Variants in NUP98 observed in about 807,000 individuals in gnomAD.
NUP98 encodes nucleoporin 98 and 96 precursor.
NUP98 carries 26 observed loss-of-function variants against 191.9 expected under a neutral mutation model. The observed-to-expected ratio is 0.14, with a 90% CI of 0.10 to 0.19. NUP98 has a LOEUF of 0.19. NUP98 is among the 10% of genes least tolerant of loss of function. The pLI, the probability that NUP98 is intolerant of heterozygous loss-of-function variation, is 1.00. For missense variants in NUP98, 1,941 were observed against 2,178.8 expected, an observed-to-expected ratio of 0.89 and a Z score of 2.17; for synonymous variants, 808 against 778.4, an observed-to-expected ratio of 1.04 and a Z score of -0.63.
chr11:3,692,454 C>T (rs947990878), intron 27 of NUP98, among the ~76,000 whole-genome samples: 19 of 151,848 alleles, frequency 1.3e-4, no homozygotes, highest in Non-Finnish European at 2.2e-4. Context: ...GGTGAAACCG[C>T]GTCTCTACTA....
chr11:3,720,248 T>C (rs1165447197), intron 17 of NUP98, among the ~76,000 whole-genome samples: 1 of 152,158 alleles, frequency 6.6e-6, no homozygotes, highest in Non-Finnish European at 1.5e-5. Context: ...TTATCAGTAA[T>C]AATAACATGA....
intron 10 of NUP98, among the ~76,000 whole-genome samples, chr11:3,755,042 A>T (rs991568976): frequency 1.3e-5 from 2 of 151,616 alleles, no homozygotes; most frequent in African/African-American, 4.9e-5. Flanking sequence ...CCACAGTTTC[A>T]TTATTCTTTT....
rs984864515 is a variant in NUP98 at position 3,695,660 on chromosome 11, C to G, written c.4010-54G>C. On this transcript the variant is annotated intron_variant, in intron 25 of 32. Coordinates refer to ENST00000324932, the MANE Select transcript of NUP98 (RefSeq NM_016320.5). The stretch of plus-strand genomic sequence containing the variant: ...ATTACTAAGGGTTTATGGACTTCGT[C>G]AAACACTTGGGGGCATTATCTTCAT... The G allele has an allele frequency of 2.4e-6, 3 of 1,252,828 alleles. No individual in the cohort carries two copies. In the South Asian group the frequency reaches 6.3e-5, roughly 26 times the overall value. 77.6% of individuals were successfully genotyped at this position (1,252,828 alleles called of 1,614,324 possible).
intron 10 of NUP98, among the ~76,000 whole-genome samples, chr11:3,756,895 G>A (rs987601256): frequency 6.7e-6 from 1 of 149,724 alleles, no homozygotes; most frequent in African/African-American, 2.5e-5. Flanking sequence ...AGACCATCCC[G>A]GCTAACATGG....
At position 3,700,781 on chromosome 11, in the gene NUP98, GCTTT is replaced by G. The variant is rs2078653336; in HGVS notation, c.3567_3570del (p.Arg1189SerfsTer6). The G allele has an allele frequency of 1.2e-6, 2 of 1,614,084 alleles. No individual in the cohort carries two copies. Among genetic ancestry groups the G allele is most frequent in the Non-Finnish European group, 1.7e-6 (2 of 1,179,988 alleles). On this transcript the variant is annotated frameshift_variant, in exon 24 of 33. Coordinates refer to ENST00000324932, the MANE Select transcript of NUP98 (RefSeq NM_016320.5). LOFTEE classifies it high-confidence loss of function. ...TGATATAATTTCATGTCTTCATCTG[GCTTT>G]CTTTGTCTCAAACTGAGTTTTTCTA...
chr11:3,790,094 T>A (rs1487702995), intron 1 of NUP98, among the ~76,000 whole-genome samples: 1 of 152,130 alleles, frequency 6.6e-6, no homozygotes, highest in Admixed American at 6.6e-5. Flanking sequence ...CATTTACCTA[T>A]CAAGAAGGTT....
chr11:3,752,130 CA>C (rs1365700302), intron 11 of NUP98, among the ~76,000 whole-genome samples: 3 of 139,784 alleles, frequency 2.1e-5, no homozygotes, highest in Non-Finnish European at 4.6e-5. Flanking sequence ...GGGGACGGAG[CA>C]AGACTCCATC....
intron 1 of NUP98, among the ~76,000 whole-genome samples, chr11:3,786,056 C>T (rs1589973275): frequency 6.6e-6 from 1 of 152,158 alleles, no homozygotes; most frequent in African/African-American, 2.4e-5. Context: ...TGTAAACCTC[C>T]CAAGAATCCA....
chr11:3,794,496 A>T (rs74541124), intron 1 of NUP98, among the ~76,000 whole-genome samples: 84 of 150,550 alleles, frequency 5.6e-4, no homozygotes, highest in Middle Eastern at 6.8e-3. Flanking sequence ...AATTTTTCAT[A>T]TTTTTTTTTA....
At chr11:3,793,577 AC>A (rs2082426478) in intron 1 of NUP98, among the ~76,000 whole-genome samples, 1 of 151,778 alleles carries the variant, frequency 6.6e-6, no homozygotes, top group South Asian at 2.1e-4. Context: ...GAGCCACCAC[AC>A]CCGGCCAGCT....
intron 8 of NUP98, among the ~76,000 whole-genome samples, chr11:3,767,361 T>G (rs1325068910): frequency 2.0e-5 from 3 of 151,988 alleles, no homozygotes; most frequent in South Asian, 2.1e-4. Flanking sequence ...GAAGTCTCTC[T>G]TCGTCGCCCA....
At chr11:3,688,820 C>CATATACATACATATAT (rs1388681065) in intron 28 of NUP98, among the ~76,000 whole-genome samples, 4 of 136,270 alleles carry the variant, frequency 2.9e-5, no homozygotes, top group African/African-American at 1.1e-4. Flanking sequence ...TTTAAATATA[C>CATATACATACATATAT]ATATATATAT....
intron 9 of NUP98, among the ~76,000 whole-genome samples, chr11:3,761,666 G>A (rs1025688336): frequency 6.6e-6 from 1 of 152,100 alleles, no homozygotes; most frequent in Non-Finnish European, 1.5e-5. Context: ...GGCTGAGGCA[G>A]AGAACTGCTT....
At chr11:3,740,513 T>C (rs899198598) in intron 12 of NUP98, among the ~76,000 whole-genome samples, 1 of 147,676 alleles carries the variant, frequency 6.8e-6, no homozygotes, top group African/African-American at 2.5e-5. Flanking sequence ...CAAGACTCTG[T>C]CTCAAAAAAA....
At chr11:3,741,470 A>G (rs950594825) in intron 12 of NUP98, among the ~76,000 whole-genome samples, 4 of 152,016 alleles carry the variant, frequency 2.6e-5, no homozygotes, top group African/African-American at 9.7e-5. Flanking sequence ...TAAACTACAA[A>G]AATTAGCTGG....
intron 11 of NUP98, among the ~76,000 whole-genome samples, chr11:3,746,497 T>C (rs1484664055): frequency 1.3e-5 from 2 of 151,710 alleles, no homozygotes; most frequent in Non-Finnish European, 2.9e-5. Flanking sequence ...ATATATAAAA[T>C]AGATGAAAAA....
chr11:3,779,295 A>C, intron 2 of NUP98, 38 bp from the exon 3 acceptor site: 1 of 1,453,404 alleles, frequency 6.9e-7, no homozygotes, highest in Non-Finnish European at 9.7e-7. Context: ...AGAATTTAGA[A>C]TAAAATCTAC....
intron 31 of NUP98, among the ~76,000 whole-genome samples, chr11:3,678,600 G>A (rs897126797): frequency 6.6e-6 from 1 of 152,194 alleles, no homozygotes; most frequent in Admixed American, 6.5e-5. Flanking sequence ...GAGTTTAAGT[G>A]TGCTAGGTAG....
At chr11:3,680,174 T>C (rs1270009607) in intron 30 of NUP98, among the ~76,000 whole-genome samples, 2 of 151,494 alleles carry the variant, frequency 1.3e-5, no homozygotes, top group East Asian at 1.9e-4. Flanking sequence ...TTTCTTAAAA[T>C]AAGATAACTG....
Sources: gnomAD v4.1 joint callset for allele counts (sites outside exome capture counted in the v4.1 genomes callset) on GRCh38, gnomAD v4.1.1 for gene constraint, MANE v1.5 for transcripts, NCBI Gene and HGNC (gene_info 2026-07-23, HGNC 2026-07-21) for gene names.